CREM: variants seen among roughly 807,000 people sequenced by gnomAD.
The protein encoded by CREM is cAMP responsive element modulator.
Under a neutral mutation model 37.3 loss-of-function variants are expected in CREM, and 13 were observed. The observed-to-expected ratio is 0.35, with a 90% CI of 0.23 to 0.55. The LOEUF (loss-of-function observed/expected upper bound fraction) is 0.55, where lower values mean the gene tolerates loss of function less well. Ranked by LOEUF, CREM falls within the 20% of genes least tolerant of loss-of-function variation. CREM has a pLI of 0.88. For missense variants in CREM, 296 were observed against 362.3 expected, an observed-to-expected ratio of 0.82 and a Z score of 1.49; for synonymous variants, 124 against 120.2, an observed-to-expected ratio of 1.03 and a Z score of -0.21.
chr10:35,157,088 A>G (rs941217807), intron 3 of CREM, among the ~76,000 whole-genome samples: 1 of 152,224 alleles, frequency 6.6e-6, no homozygotes, highest in Non-Finnish European at 1.5e-5. Context: ...GGATGTTTCA[A>G]CATATGCAAA....
chr10:35,148,946 A>G (rs1274784420), intron 3 of CREM, among the ~76,000 whole-genome samples: 1 of 152,202 alleles, frequency 6.6e-6, no homozygotes, highest in African/African-American at 2.4e-5. Flanking sequence ...CTAGATCCTA[A>G]AATTTATTTC....
intron 3 of CREM, among the ~76,000 whole-genome samples, chr10:35,166,484 C>T (rs1263705929): frequency 6.6e-6 from 1 of 151,758 alleles, no homozygotes; most frequent in Non-Finnish European, 1.5e-5. Context: ...TCGATTCAAC[C>T]CAGGAGGTGG....
chr10:35,136,875 C>T (rs2090616911), intron 1 of CREM, among the ~76,000 whole-genome samples: 1 of 147,198 alleles, frequency 6.8e-6, no homozygotes, highest in Non-Finnish European at 1.5e-5. Context: ...GGCTGGAGTA[C>T]AGAGGTGCAA....
At chr10:35,129,923 A>G (rs1205797689) in intron 1 of CREM, among the ~76,000 whole-genome samples, 1 of 152,298 alleles carries the variant, frequency 6.6e-6, no homozygotes, top group Non-Finnish European at 1.5e-5. Context: ...TAGGCCGGGC[A>G]TGGTGGCTCA....
intron 3 of CREM, among the ~76,000 whole-genome samples, chr10:35,173,250 A>G (rs932070795): frequency 2.9e-4 from 44 of 152,250 alleles, no homozygotes; most frequent in Admixed American, 1.3e-4. Flanking sequence ...AGAGACAATC[A>G]GTTGTCAAGT....
intron 6 of CREM, among the ~76,000 whole-genome samples, chr10:35,189,334 G>T (rs567384850): frequency 1.3e-5 from 2 of 151,924 alleles, no homozygotes; most frequent in African/African-American, 4.8e-5. Context: ...CTGGATTTGC[G>T]TTATACATTA....
chr10:35,131,709 A>G (rs958043245), intron 1 of CREM, among the ~76,000 whole-genome samples: 3 of 152,166 alleles, frequency 2.0e-5, no homozygotes, highest in Admixed American at 6.5e-5. Context: ...AAATAATGGT[A>G]AAATTCTTTT....
chr10:35,149,921 CA>C (rs1564819569), intron 3 of CREM, among the ~76,000 whole-genome samples: 3 of 151,116 alleles, frequency 2.0e-5, no homozygotes, highest in African/African-American at 4.9e-5. Flanking sequence ...CACACACACA[CA>C]CACACACACA....
chr10:35,186,265 T>C (rs1484522662), intron 5 of CREM, among the ~76,000 whole-genome samples: 1 of 152,206 alleles, frequency 6.6e-6, no homozygotes, highest in Non-Finnish European at 1.5e-5. Flanking sequence ...CTTTCAGATA[T>C]TTTAAATAAT....
intron 3 of CREM, among the ~76,000 whole-genome samples, chr10:35,152,629 CTTAT>C (rs2092666567): frequency 6.6e-6 from 1 of 152,092 alleles, no homozygotes; most frequent in South Asian, 2.1e-4. Flanking sequence ...AAGCTGGTAT[CTTAT>C]TTATTAAGTA....
intron 6 of CREM, among the ~76,000 whole-genome samples, chr10:35,198,480 AC>A (rs1251641116): frequency 2.0e-5 from 3 of 151,714 alleles, no homozygotes; most frequent in African/African-American, 7.3e-5. Flanking sequence ...CCAACATTGC[AC>A]CACTGCACTC....
chr10:35,170,063 C>T (rs113117242), intron 3 of CREM, among the ~76,000 whole-genome samples: 7 of 150,008 alleles, frequency 4.7e-5, no homozygotes, highest in African/African-American at 1.2e-4. Context: ...CCTGGGTTCA[C>T]GCCATTCTCC....
chr10:35,187,064 ATTAATATAATAATATAT>A (rs1382637816), intron 5 of CREM, among the ~76,000 whole-genome samples: 2 of 71,194 alleles, frequency 2.8e-5, no homozygotes, highest in Non-Finnish European at 4.9e-5. Flanking sequence ...AATATATATA[ATTAATATAATAATATAT>A]ATAATATATA....
Position 35,201,954 on chromosome 10 carries a change from C to T in CREM, c.599-4941C>T, listed in dbSNP as rs530894190. ...TTCAAATTTTACTTCATACAGCACACATTAACTCATGAAACACCCATTATA... is the reference window on the plus strand; with the variant it reads ...TTCAAATTTTACTTCATACAGCACATATTAACTCATGAAACACCCATTATA... On this transcript the variant is annotated intron_variant, in intron 6 of 7. Transcript: ENST00000685392. Among the ~76,000 whole-genome samples the T allele has an allele frequency of 2.0e-3, 302 of 152,262 alleles. 2 individuals carry two copies. Among genetic ancestry groups the T allele is most frequent in the African/African-American group, 7.1e-3 (296 of 41,548 alleles).
chr10:35,201,519 C>T, intron 6 of CREM: 1 of 1,551,518 alleles, frequency 6.4e-7, no homozygotes, highest in South Asian at 1.2e-5. Flanking sequence ...AACCCAGACT[C>T]CAAACCCCAT....
chr10:35,139,811 T>C (rs2091184344), intron 2 of CREM, among the ~76,000 whole-genome samples: 1 of 152,242 alleles, frequency 6.6e-6, no homozygotes, highest in Non-Finnish European at 1.5e-5. Flanking sequence ...TATAATGGAC[T>C]CTATAAATTC....
chr10:35,172,755 C>T (rs2093883326), intron 3 of CREM, among the ~76,000 whole-genome samples: 1 of 152,134 alleles, frequency 6.6e-6, no homozygotes, highest in East Asian at 1.9e-4. Context: ...TAAGGAAAAG[C>T]ACGTGTGTTA....
chr10:35,197,021 C>T (rs1192681102), intron 6 of CREM, among the ~76,000 whole-genome samples: 1 of 151,890 alleles, frequency 6.6e-6, no homozygotes, highest in Non-Finnish European at 1.5e-5. Flanking sequence ...AGGCGCCCGC[C>T]TAATTTTTTG....
At chr10:35,184,567 C>T (rs1222740969) in intron 5 of CREM, among the ~76,000 whole-genome samples, 3 of 152,112 alleles carry the variant, frequency 2.0e-5, no homozygotes, top group Non-Finnish European at 4.4e-5. Flanking sequence ...GGCTGACGTG[C>T]CTGACTTAAT....
Sources: gnomAD v4.1 joint callset for allele counts (sites outside exome capture counted in the v4.1 genomes callset) on GRCh38, gnomAD v4.1.1 for gene constraint, MANE v1.5 for transcripts, NCBI Gene and HGNC (gene_info 2026-07-23, HGNC 2026-07-21) for gene names.